ARL17B: variants seen among roughly 807,000 people sequenced by gnomAD.
The protein encoded by ARL17B is ARF like GTPase 17B.
In ARL17B at chr17:46,338,525, G is replaced by A. The variant is rs2144179186; in HGVS notation, c.*975C>T. On this transcript the variant is annotated 3_prime_UTR_variant, in exon 4 of 4. Coordinates refer to ENST00000450673, the MANE Select transcript of ARL17B (RefSeq NM_001039083.5). Reference sequence around the variant, plus strand: ...CCAGTTGAAGAGATACACAGGGTGAGGTTTGGAAGGGTCCTTGTGGAGTTG... The same window carrying A: ...CCAGTTGAAGAGATACACAGGGTGAAGTTTGGAAGGGTCCTTGTGGAGTTG... Among the ~76,000 whole-genome samples the A allele has an allele frequency of 2.6e-5, 1 of 39,002 alleles. No individual in the cohort carries two copies. Among genetic ancestry groups the A allele is most frequent in the East Asian group, 4.6e-4 (1 of 2,190 alleles). The allele number at this position is 39,002 out of a possible 152,430, so 25.6% of individuals were successfully genotyped here. A position where few individuals can be genotyped will look rare whatever the true frequency, so the allele number is the denominator to read the frequency against.
chr17:46,289,344 CT>C (rs1028918590), intron 4 of ARL17B, among the ~76,000 whole-genome samples: 14 of 149,908 alleles, frequency 9.3e-5, no homozygotes, highest in African/African-American at 2.0e-4. Flanking sequence ...TGCCCAGCTA[CT>C]TTTTTTTTTG....
intron 3 of ARL17B, among the ~76,000 whole-genome samples, chr17:46,327,310 C>T (rs1317894857): frequency 1.7e-5 from 1 of 57,418 alleles, no homozygotes. Flanking sequence ...GCTACAGTGG[C>T]TCCCACTTGT....
At chr17:46,279,015 C>T (rs897125849) in intron 4 of ARL17B, among the ~76,000 whole-genome samples, 2 of 152,056 alleles carry the variant, frequency 1.3e-5, no homozygotes, top group African/African-American at 4.8e-5. Context: ...TCAGGCTGGT[C>T]TCGAACTCCT....
chr17:46,332,972 C>A (rs1388059962), downstream of ARL17B, among the ~76,000 whole-genome samples: 1 of 150,718 alleles, frequency 6.6e-6, no homozygotes, highest in African/African-American at 2.5e-5. Flanking sequence ...CATCAAGTCA[C>A]CCTTACTCTG....
chr17:46,316,698 G>C (rs1323913736), intron 3 of ARL17B, among the ~76,000 whole-genome samples: 2 of 66,712 alleles, frequency 3.0e-5, no homozygotes, highest in African/African-American at 8.6e-5. Flanking sequence ...ATAGTGGAGG[G>C]AAGGTCAGCA....
At chr17:46,278,400 T>TA (rs2049654215) in intron 4 of ARL17B, among the ~76,000 whole-genome samples, 2 of 141,376 alleles carry the variant, frequency 1.4e-5, no homozygotes, top group Admixed American at 1.4e-4. Context: ...TGTTTTATTT[T>TA]GTTTTTTTTT....
chr17:46,287,949 A>T (rs867255165), intron 4 of ARL17B, among the ~76,000 whole-genome samples: 3,095 of 126,228 alleles, frequency 0.025, no homozygotes, highest in Non-Finnish European at 0.04. Context: ...GTGTAGGAAC[A>T]TCATGTCAAA....
At chr17:46,340,532 GT>G (rs1187929014) in intron 3 of ARL17B, among the ~76,000 whole-genome samples, 2 of 64,524 alleles carry the variant, frequency 3.1e-5, no homozygotes, top group East Asian at 2.6e-4. Flanking sequence ...GGGTTTTGGG[GT>G]TTTTTTTGTG....
intron 4 of ARL17B, among the ~76,000 whole-genome samples, chr17:46,291,243 A>C (rs987752288): frequency 6.6e-6 from 1 of 152,278 alleles, no homozygotes; most frequent in African/African-American, 2.4e-5. Context: ...TAGCGGGTGC[A>C]CACTTTGATC....
chr17:46,288,647 G>A (rs1248113865), intron 4 of ARL17B, among the ~76,000 whole-genome samples: 14 of 151,802 alleles, frequency 9.2e-5, no homozygotes, highest in Non-Finnish European at 1.6e-4. Flanking sequence ...AGGACGACCA[G>A]AGGTCACTTT....
intron 4 of ARL17B, among the ~76,000 whole-genome samples, chr17:46,288,730 G>T (rs1183187913): frequency 1.4e-5 from 2 of 144,488 alleles, no homozygotes; most frequent in African/African-American, 5.0e-5. Context: ...TTGAGACTGG[G>T]TCTCACTCTG....
chr17:46,324,983 G>A lies in ARL17B; in HGVS notation c.260-25318C>T, dbSNP rs2051652214. 2.6e-5 allele frequency among the ~76,000 whole-genome samples: 2 copies of A among 78,240 alleles called. 1 individual carries two copies. Among genetic ancestry groups the A allele is most frequent in the South Asian group, 1.1e-3 (2 of 1,824 alleles). The allele number at this position is 78,240 out of a possible 152,430, so 51.3% of individuals were successfully genotyped here. On this transcript the variant is annotated intron_variant, in intron 3 of 4. Transcript: ENST00000434041. ...ATATGGCAAGCTAAATAGAGACTCAGTTATGCTAGGGCTGGTTGAGGGAAT... is the reference window on the plus strand; with the variant it reads ...ATATGGCAAGCTAAATAGAGACTCAATTATGCTAGGGCTGGTTGAGGGAAT...
Position 46,338,955 on chromosome 17 carries a change from AAGAC to A in ARL17B, c.*541_*544del, listed in dbSNP as rs1383926241. Among the ~76,000 whole-genome samples, 3 of 55,934 alleles carry A rather than the reference AAGAC, an allele frequency of 5.4e-5. No homozygotes were observed. The highest frequency in any genetic ancestry group is 2.9e-4 in the East Asian group (1 of 3,414). 36.7% of individuals were successfully genotyped at this position (55,934 alleles called of 152,430 possible). A position where few individuals can be genotyped will look rare whatever the true frequency, so the allele number is the denominator to read the frequency against. The stretch of plus-strand genomic sequence containing the variant: ...TAGAGGCCATTATCCTCAGCAAACT[AAGAC>A]AGGAACAGAAAACCAAATACTGTAT... On this transcript the variant is annotated 3_prime_UTR_variant, in exon 4 of 4. Transcript: ENST00000450673.
chr17:46,276,190 C>T (rs539356710), intron 4 of ARL17B, among the ~76,000 whole-genome samples: 1 of 152,344 alleles, frequency 6.6e-6, no homozygotes, highest in South Asian at 2.1e-4. Context: ...CAAGGCTGGC[C>T]TCACAACTTT....
chr17:46,284,983 C>T (rs2532312), intron 4 of ARL17B, among the ~76,000 whole-genome samples: 17,876 of 151,494 alleles, frequency 0.12, 3 homozygotes, highest in Non-Finnish European at 0.18. Flanking sequence ...CTCACCTCAG[C>T]CTCCCAAGTA....
At chr17:46,300,226 A>C (rs1468608085) in intron 3 of ARL17B, among the ~76,000 whole-genome samples, 1 of 26,826 alleles carries the variant, frequency 3.7e-5, no homozygotes, top group African/African-American at 7.6e-5. Context: ...TGATCCTCTC[A>C]CCTCAGCCTC....
intron 4 of ARL17B, among the ~76,000 whole-genome samples, chr17:46,279,810 A>T (rs2049710881): frequency 1.3e-5 from 2 of 152,154 alleles, no homozygotes; most frequent in Non-Finnish European, 1.5e-5. Context: ...GCCCTCCTAC[A>T]CAACTTTTTG....
At chr17:46,289,744 A>T (rs750179755) in intron 4 of ARL17B, among the ~76,000 whole-genome samples, 507 of 149,872 alleles carry the variant, frequency 3.4e-3, no homozygotes, top group Admixed American at 6.4e-3. Context: ...ATAGTCTCTC[A>T]GAAAAATAAC....
At chr17:46,311,116 A>G in intron 3 of ARL17B, 1 of 269,694 alleles carries the variant, frequency 3.7e-6, no homozygotes, top group Non-Finnish European at 7.3e-6. Flanking sequence ...CAGCCTGGGC[A>G]ACAGAGTGAG....
Sources: allele counts gnomAD v4.1 joint callset (sites outside exome capture counted in the v4.1 genomes callset), GRCh38; gene constraint gnomAD v4.1.1; transcripts MANE v1.5; gene names NCBI Gene and HGNC (gene_info 2026-07-23, HGNC 2026-07-21).